Variants in KCNQ1 observed in about 807,000 individuals in gnomAD.
KCNQ1 encodes the protein potassium voltage-gated channel subfamily Q member 1, also known as potassium voltage-gated channel subfamily KQT member 1.
In KCNQ1, 49 loss-of-function variants were observed where a neutral mutation model predicts 72.4. The ratio of observed to expected loss-of-function variants is 0.68; its 90% CI spans 0.54 to 0.86. The LOEUF (loss-of-function observed/expected upper bound fraction) is 0.86. KCNQ1 is among the 40% of genes least tolerant of loss of function. The pLI is 0.00. For missense variants in KCNQ1, 790 were observed against 945.1 expected, an observed-to-expected ratio of 0.84 and a Z score of 2.15; for synonymous variants, 450 against 412.6, an observed-to-expected ratio of 1.09 and a Z score of -1.10.
At chr11:2,610,336 C>G (rs1848959286) in intron 10 of KCNQ1, 1 of 397,914 alleles carries the variant, frequency 2.5e-6, no homozygotes. Flanking sequence ...TTATTATGCG[C>G]TATTATAATG....
chr11:2,456,765 C>CAAAAAAAAT, intron 1 of KCNQ1, among the ~76,000 whole-genome samples: 1 of 31,986 alleles, frequency 3.1e-5, no homozygotes, highest in South Asian at 1.6e-3. Flanking sequence ...ACTAAAAATC[C>CAAAAAAAAT]AAAAAAAAAA....
chr11:2,848,907 T>C lies in KCNQ1; in HGVS notation c.*904T>C, dbSNP rs186055804. On this transcript the variant is annotated 3_prime_UTR_variant, in exon 16 of 16. Coordinates refer to ENST00000155840, the MANE Select transcript of KCNQ1 (RefSeq NM_000218.3). ...CATAGAAATCAATAATTTGTGGTGA[T>C]TTGGATCTGTGTTTTAATGAGTTTC... 518 of 454,168 alleles carry C rather than the reference T, an allele frequency of 1.1e-3. No individual in the cohort carries two copies. The highest frequency in any genetic ancestry group is 2.4e-3 in the Admixed American group (102 of 42,586). 28.1% of individuals were successfully genotyped at this position (454,168 alleles called of 1,614,324 possible).
chr11:2,553,166 T>TTG (rs202125097), intron 2 of KCNQ1, among the ~76,000 whole-genome samples: 1 of 137,744 alleles, frequency 7.3e-6, no homozygotes, highest in African/African-American at 3.1e-5. Flanking sequence ...TTTTTTGTTT[T>TTG]TTTTTTTTTT....
In KCNQ1 at chr11:2,579,088, T is replaced by C. The variant is rs1324062652; in HGVS notation, c.922-4347T>C. Among the ~76,000 whole-genome samples the C allele has an allele frequency of 6.6e-6, 1 of 152,122 alleles. No homozygotes were observed. Among genetic ancestry groups the C allele is most frequent in the Non-Finnish European group, 1.5e-5 (1 of 68,014 alleles). On this transcript the variant is annotated intron_variant, in intron 6 of 15. Coordinates refer to ENST00000155840, the MANE Select transcript of KCNQ1 (RefSeq NM_000218.3). This position sits in a 1 kb window ranked among gnomAD's most constrained non-coding sequence, Gnocchi z 6.0. ...GGACCACCCCTTCCTTCTGGGCAAA[T>C]GACTACCACGTTTCCAGCCGGGGCC...
intron 10 of KCNQ1, chr11:2,619,824 T>C (rs1053440952): frequency 2.5e-6 from 1 of 398,646 alleles, no homozygotes; most frequent in Non-Finnish European, 4.4e-6. Flanking sequence ...TATCTGGTCC[T>C]GGGCTTTTCT....
At chr11:2,655,587 A>G (rs1324658411) in intron 10 of KCNQ1, 1 of 398,560 alleles carries the variant, frequency 2.5e-6, no homozygotes, top group Non-Finnish European at 4.4e-6. Context: ...GGTGGGGGTG[A>G]CAAGCAAGAC....
At chr11:2,622,318 T>C (rs547717926) in intron 10 of KCNQ1, 1 of 398,362 alleles carries the variant, frequency 2.5e-6, no homozygotes, top group African/African-American at 2.1e-5. Context: ...TTGTCTCCTA[T>C]AACAATTTTT....
Position 2,818,443 on chromosome 11 carries a change from C to T in KCNQ1, c.1795-29324C>T, listed in dbSNP as rs1457696561. On this transcript the variant is annotated intron_variant, in intron 15 of 15. Coordinates refer to ENST00000155840, the MANE Select transcript of KCNQ1 (RefSeq NM_000218.3). This position sits in a 1 kb window ranked among gnomAD's most constrained non-coding sequence, Gnocchi z 7.2. The stretch of plus-strand genomic sequence containing the variant: ...GAGGTCCTCAGAAAGTGCCAAGAGG[C>T]CTTCCTCAGAGGAAGAGCAAGGGTA... Among the ~76,000 whole-genome samples the T allele has an allele frequency of 2.0e-5, 3 of 152,310 alleles. No homozygotes were observed. The highest frequency in any genetic ancestry group is 1.3e-4 in the Admixed American group (2 of 15,308).
At chr11:2,811,242 C>G (rs546973028) in intron 15 of KCNQ1, among the ~76,000 whole-genome samples, 44 of 152,352 alleles carry the variant, frequency 2.9e-4, no homozygotes, top group African/African-American at 1.0e-3. Context: ...GACCCCTGTC[C>G]GGCTTCCCTG....
At chr11:2,628,929 G>A (rs1050167462) in intron 10 of KCNQ1, 16 of 398,208 alleles carry the variant, frequency 4.0e-5, no homozygotes, top group Middle Eastern at 6.2e-4. Context: ...GACCATAAAT[G>A]TGTGGGTTTA....
intron 11 of KCNQ1, chr11:2,694,879 A>T (rs1478456943): frequency 1.0e-5 from 4 of 398,562 alleles, no homozygotes; most frequent in African/African-American, 2.1e-5. Flanking sequence ...AATAAGAAGA[A>T]GGAATTGTCA....
rs1012189412 is a variant in KCNQ1 at position 2,462,885 on chromosome 11, C to T, written c.386+17401C>T. ...AGGGACCAAACCTGGGTCCATGTGC[C>T]GTGCCCAGCCTGGGGTTCAGGTTTC... is the stretch of plus-strand genomic sequence containing the variant. On this transcript the variant is annotated intron_variant, in intron 1 of 15. Coordinates refer to ENST00000155840, the MANE Select transcript of KCNQ1 (RefSeq NM_000218.3). The surrounding 1 kb of genome is among the most constrained non-coding windows in gnomAD (Gnocchi z 8.2). 1.3e-5 allele frequency among the ~76,000 whole-genome samples: 2 copies of T among 152,108 alleles called. No individual in the cohort carries two copies. Among genetic ancestry groups the T allele is most frequent in the African/African-American group, 4.8e-5 (2 of 41,394 alleles).
At chr11:2,583,654 G>A in intron 7 of KCNQ1, 109 bp downstream of exon 7, 2 of 810,526 alleles carry the variant, frequency 2.5e-6, no homozygotes, top group South Asian at 1.4e-5. Flanking sequence ...GAACCAAGAG[G>A]GTGCTTCCCT....
chr11:2,456,463 C>T (rs950279267), intron 1 of KCNQ1, among the ~76,000 whole-genome samples: 2 of 151,976 alleles, frequency 1.3e-5, no homozygotes, highest in African/African-American at 4.8e-5. Flanking sequence ...ACAAGTGGGA[C>T]CTAATTAAAG....
intron 11 of KCNQ1, among the ~76,000 whole-genome samples, chr11:2,737,682 A>G (rs1390271332): frequency 6.6e-6 from 1 of 152,216 alleles, no homozygotes; most frequent in Non-Finnish European, 1.5e-5. Context: ...CTCGCAGACC[A>G]TAAAACACGG....
intron 1 of KCNQ1, among the ~76,000 whole-genome samples, chr11:2,470,599 G>T (rs1196206198): frequency 6.6e-6 from 1 of 151,936 alleles, no homozygotes; most frequent in African/African-American, 2.4e-5. Flanking sequence ...TCAAGGGAGG[G>T]GGTGTGATGA....
rs1051454705 is a variant in KCNQ1 at position 2,838,747 on chromosome 11, C to T, written c.1795-9020C>T. ...TCCCCTGCCCACCTGCCCCCGTGGC[C>T]GGGCTGGGGTTTGGCTGAGGCAGCA... On this transcript the variant is annotated intron_variant, in intron 15 of 15. Coordinates refer to ENST00000155840, the MANE Select transcript of KCNQ1 (RefSeq NM_000218.3). 3.3e-5 allele frequency among the ~76,000 whole-genome samples: 5 copies of T among 152,038 alleles called. No individual in the cohort carries two copies. In the East Asian group the frequency reaches 7.7e-4, roughly 24 times the overall value.
rs1157549554 is a variant in KCNQ1 at position 2,515,169 on chromosome 11, CT to C, written c.387-12758del. On this transcript the variant is annotated intron_variant, in intron 1 of 15. Transcript: ENST00000155840. The surrounding 1 kb of genome is among the most constrained non-coding windows in gnomAD (Gnocchi z 4.7). ...AATAGGTAATTTTTCAACCCTCCCC[CT>C]CTCACCCTCTCCACCTCCCCTTTGG... 2.0e-5 allele frequency among the ~76,000 whole-genome samples: 3 copies of C among 152,188 alleles called. No individual in the cohort carries two copies. The highest frequency in any genetic ancestry group is 7.2e-5 in the African/African-American group (3 of 41,442).
In KCNQ1 at chr11:2,674,415, G is replaced by A. The variant is rs914066507; in HGVS notation, c.1514+12334G>A. 3.2e-5 allele frequency: 9 copies of A among 278,058 alleles called. No individual in the cohort carries two copies. Among genetic ancestry groups the A allele is most frequent in the Middle Eastern group, 2.2e-3 (2 of 892 alleles). The allele number at this position is 278,058 out of a possible 1,614,324, so 17.2% of individuals were successfully genotyped here. Reference sequence around the variant, plus strand: ...TGCGTGCGTGTGTGTGTGCGCGCCCGCGCGCACACGACCACAGAGGCTGGG... The same window carrying A: ...TGCGTGCGTGTGTGTGTGCGCGCCCACGCGCACACGACCACAGAGGCTGGG... On this transcript the variant is annotated intron_variant, in intron 11 of 15. Transcript: ENST00000155840. The surrounding 1 kb of genome is among the most constrained non-coding windows in gnomAD (Gnocchi z 5.9).
Sources: gnomAD v4.1 joint callset for allele counts (sites outside exome capture counted in the v4.1 genomes callset) on GRCh38, gnomAD v4.1.1 for gene constraint, Gnocchi (gnomAD v3.1) non-coding constraint, MANE v1.5 for transcripts, NCBI Gene and HGNC (gene_info 2026-07-23, HGNC 2026-07-21) for gene names.